CPQ: variants seen among roughly 807,000 people sequenced by gnomAD.
CPQ encodes Ser-Met dipeptidase.
A neutral mutation model predicts 45.7 loss-of-function variants in CPQ; 37 were observed. That is an observed-to-expected ratio of 0.81 (90% CI 0.62 to 1.07). The LOEUF is 1.07. Among genes scored for constraint, CPQ ranks in the 50% least tolerant of loss-of-function variants. The pLI is 0.00. For synonymous variants in CPQ, 186 were observed against 205.8 expected, an observed-to-expected ratio of 0.90 and a Z score of 0.82; for missense variants, 537 against 572.9, an observed-to-expected ratio of 0.94 and a Z score of 0.64.
chr8:96,780,394 A>G (rs1306297054), intron 1 of CPQ, among the ~76,000 whole-genome samples: 3 of 152,156 alleles, frequency 2.0e-5, no homozygotes, highest in African/African-American at 7.2e-5. Flanking sequence ...AACATATGTA[A>G]AGACCCAGAG....
chr8:97,008,819 T>C (rs1253346474), intron 5 of CPQ, among the ~76,000 whole-genome samples: 1 of 152,116 alleles, frequency 6.6e-6, no homozygotes, highest in Non-Finnish European at 1.5e-5. Context: ...ATAAAGTGTT[T>C]AGCATATTGC....
At chr8:97,014,547 C>T (rs1809545830) in intron 5 of CPQ, among the ~76,000 whole-genome samples, 1 of 149,902 alleles carries the variant, frequency 6.7e-6, no homozygotes, top group African/African-American at 2.5e-5. Flanking sequence ...GAGGCAGAGG[C>T]ATGAGAATCA....
At position 97,143,037 on chromosome 8, in the gene CPQ, G is replaced by A; in HGVS notation, c.1273G>A (p.Asp425Asn). Reference protein sequence around the residue: ...AGVPGASLLDDLYKYFFFHHS... With the variant: ...AGVPGASLLDNLYKYFFFHHS... The stretch of plus-strand genomic sequence containing the variant: ...ATCCCCAGGAGCCAGTCTACTTGAT[G>A]ACTTATACAAGTATTTCTTCTTCCA... The change falls in exon 8 of 8, where the codon GAC becomes AAC. Residue 425 changes from aspartate to asparagine, a missense_variant. By Grantham distance (23) the Asp-to-Asn change is conservative. Transcript: ENST00000220763. The A allele has an allele frequency of 3.1e-6, 5 of 1,613,804 alleles. No homozygotes were observed. The highest frequency in any genetic ancestry group is 2.2e-5 in the East Asian group (1 of 44,868).
chr8:96,951,163 A>C (rs77924843), intron 4 of CPQ, among the ~76,000 whole-genome samples: 3,126 of 152,178 alleles, frequency 0.021, 83 homozygotes, highest in East Asian at 0.066. Context: ...CATAAAAAAA[A>C]CCCTGATATT....
At chr8:96,770,170 T>C (rs2130797722) in intron 1 of CPQ, among the ~76,000 whole-genome samples, 1 of 152,146 alleles carries the variant, frequency 6.6e-6, no homozygotes. Context: ...GAAATGGCCA[T>C]ATGATGTCTG....
chr8:97,134,883 G>C (rs77535042), intron 7 of CPQ, among the ~76,000 whole-genome samples: 6,672 of 152,260 alleles, frequency 0.044, 432 homozygotes, highest in African/African-American at 0.15. Flanking sequence ...TCAGTACACA[G>C]AAAGCACTCA....
intron 4 of CPQ, among the ~76,000 whole-genome samples, chr8:96,935,901 A>G (rs1296311525): frequency 2.6e-5 from 4 of 152,146 alleles, no homozygotes; most frequent in African/African-American, 9.7e-5. Context: ...AGTTAATGCT[A>G]ATTCATTATC....
At chr8:97,089,012 G>A (rs1241063288) in intron 7 of CPQ, among the ~76,000 whole-genome samples, 1 of 152,266 alleles carries the variant, frequency 6.6e-6, no homozygotes, top group East Asian at 1.9e-4. Context: ...GGAAGGCCAA[G>A]GCGGGTGGAT....
intron 1 of CPQ, among the ~76,000 whole-genome samples, chr8:96,766,794 T>C (rs965555942): frequency 2.0e-5 from 3 of 152,102 alleles, no homozygotes; most frequent in Non-Finnish European, 4.4e-5. Flanking sequence ...TAACTGCCTT[T>C]AGGGGGCGTT....
intron 2 of CPQ, among the ~76,000 whole-genome samples, chr8:96,800,909 C>T (rs1013937192): frequency 2.6e-5 from 4 of 151,010 alleles, no homozygotes; most frequent in Non-Finnish European, 4.4e-5. Flanking sequence ...AAGAGACTTG[C>T]GATGAATAGG....
At chr8:97,089,170 G>A (rs1811089034) in intron 7 of CPQ, among the ~76,000 whole-genome samples, 1 of 150,470 alleles carries the variant, frequency 6.6e-6, no homozygotes, top group South Asian at 2.1e-4. Flanking sequence ...CTGAACCCGG[G>A]AGGCGGAGGT....
intron 1 of CPQ, among the ~76,000 whole-genome samples, chr8:96,716,443 C>T (rs903690624): frequency 1.3e-5 from 2 of 152,148 alleles, no homozygotes; most frequent in African/African-American, 2.4e-5. Context: ...GCAGTATACA[C>T]TACTACACTG....
chr8:96,773,467 G>A (rs1354575043), intron 1 of CPQ, among the ~76,000 whole-genome samples: 1 of 152,082 alleles, frequency 6.6e-6, no homozygotes, highest in Non-Finnish European at 1.5e-5. Flanking sequence ...TTCTCCAAAT[G>A]GAGAAAGGAT....
intron 1 of CPQ, among the ~76,000 whole-genome samples, chr8:96,703,817 A>G (rs1197482517): frequency 6.6e-6 from 1 of 152,194 alleles, no homozygotes; most frequent in African/African-American, 2.4e-5. Context: ...GTGAGGTTAA[A>G]AGGTCAAGAA....
rs770568459 is a variant in CPQ at position 96,785,222 on chromosome 8, A to T, written c.325A>T (p.Arg109Ter). ...GGAGAAAGTTCACCTGGAGCCAGTG[A>T]GAATACCCCACTGGGAGAGGGGAGA... ...GLEKVHLEPVRIPHWERGEES... is the reference protein window; with the variant it reads ...GLEKVHLEPV Residue 109 changes from arginine to a stop codon, truncating the protein, a stop_gained, in exon 2 of 8, where the codon AGA (arginine) becomes TGA (stop). Coordinates refer to ENST00000220763, the MANE Select transcript of CPQ (RefSeq NM_016134.4). LOFTEE classifies it high-confidence loss of function. 29 of 1,613,540 alleles carry T rather than the reference A, an allele frequency of 1.8e-5. No homozygotes were observed. The highest frequency in any genetic ancestry group is 2.2e-5 in the Non-Finnish European group (26 of 1,179,764).
chr8:97,066,111 G>C lies in CPQ; in HGVS notation c.1156G>C (p.Glu386Gln). 6.2e-7 allele frequency: 1 copy of C among 1,612,604 alleles called. No homozygotes were observed. ...CAGTGAAAAGGCCAGGGCCATCATG[G>C]AGGAGGTTATGAGCCTGCTGCAGCC... is the stretch of plus-strand genomic sequence containing the variant. ...TGSEKARAIM[E>Q]EVMSLLQPLN... The change falls in exon 7 of 8, where the codon GAG becomes CAG. Residue 386 changes from glutamate to glutamine, a missense_variant. Glu to Gln is a conservative substitution (Grantham distance 29, BLOSUM62 2). Coordinates refer to ENST00000220763, the MANE Select transcript of CPQ (RefSeq NM_016134.4).
chr8:96,711,336 A>T (rs2130753824), intron 1 of CPQ, among the ~76,000 whole-genome samples: 1 of 152,314 alleles, frequency 6.6e-6, no homozygotes, highest in East Asian at 1.9e-4. Context: ...CAATGTTAAT[A>T]CTGAGATGTG....
chr8:96,664,593 T>C (rs1808895632), intron 1 of CPQ, among the ~76,000 whole-genome samples: 1 of 152,210 alleles, frequency 6.6e-6, no homozygotes, highest in Non-Finnish European at 1.5e-5. Flanking sequence ...TTTGGGAATG[T>C]AGATGATGGC....
chr8:97,019,650 A>T (rs1041843333), intron 5 of CPQ, among the ~76,000 whole-genome samples: 3 of 152,216 alleles, frequency 2.0e-5, no homozygotes, highest in Admixed American at 1.3e-4. Context: ...TAATGATAAA[A>T]GGCCTTGTCC....
Sources: allele counts gnomAD v4.1 joint callset (sites outside exome capture counted in the v4.1 genomes callset), GRCh38; gene constraint gnomAD v4.1.1; transcripts MANE v1.5; gene names NCBI Gene and HGNC (gene_info 2026-07-23, HGNC 2026-07-21).